The following E2F3 variants were observed in gnomAD, a reference collection of about 807,000 sequenced individuals.
E2F3 encodes E2F transcription factor 3, also known as transcription factor E2F3.
E2F3 carries 11 observed loss-of-function variants against 44.4 expected under a neutral mutation model. The ratio of observed to expected loss-of-function variants is 0.25; its 90% CI spans 0.16 to 0.41. The LOEUF is 0.41. Among genes scored for constraint, E2F3 ranks in the 10% least tolerant of loss-of-function variants. The pLI is 1.00. For synonymous variants in E2F3, 249 were observed against 253.0 expected (o/e 0.98, Z 0.15); for missense variants, 487 against 583.6 (o/e 0.83, Z 1.70).
At chr6:20,434,352 A>C (rs1373525444) in intron 1 of E2F3, among the ~76,000 whole-genome samples, 1 of 152,230 alleles carries the variant, frequency 6.6e-6, no homozygotes, top group Non-Finnish European at 1.5e-5. Context: ...TGGTTTCTTA[A>C]CAGTTTGCTA....
intron 1 of E2F3, chr6:20,445,252 T>G (rs987207511): frequency 2.7e-6 from 2 of 745,412 alleles, no homozygotes; most frequent in Non-Finnish European, 3.3e-6. Flanking sequence ...TCTCCCTTTT[T>G]TTTTTTTGAG....
chr6:20,432,558 A>C (rs569568069), intron 1 of E2F3, among the ~76,000 whole-genome samples: 2 of 152,352 alleles, frequency 1.3e-5, no homozygotes, highest in South Asian at 4.1e-4. Context: ...AGTTTCTTGT[A>C]ACAGAAGGTG....
chr6:20,486,681 C>A lies in E2F3; in HGVS notation c.885-8C>A, dbSNP rs779107512. On this transcript the variant is annotated splice_polypyrimidine_tract_variant and splice_region_variant and intron_variant, in intron 4 of 6. Transcript: ENST00000346618. ...TAATTAGATGGAAGATTCCTTGACA[C>A]TCTTTACGTTAGCTTATGTTACATA... The A allele has an allele frequency of 2.8e-6, 4 of 1,447,468 alleles. No homozygotes were observed. The Admixed American group carries it at 7.2e-5, about 26-fold the overall frequency. 89.7% of individuals were successfully genotyped at this position (1,447,468 alleles called of 1,614,324 possible). A position where few individuals can be genotyped will look rare whatever the true frequency, so the allele number is the denominator to read the frequency against.
chr6:20,403,788 C>A (rs1227374319), intron 1 of E2F3: 2 of 1,495,058 alleles, frequency 1.3e-6, no homozygotes, highest in Non-Finnish European at 1.8e-6. Context: ...CCCCCCACCT[C>A]CCCCCGGAGC....
intron 1 of E2F3, among the ~76,000 whole-genome samples, chr6:20,455,808 T>C (rs1275611651): frequency 6.6e-6 from 1 of 152,050 alleles, no homozygotes; most frequent in Non-Finnish European, 1.5e-5. Flanking sequence ...AATTCTCTCA[T>C]CCCTTTTACA....
At chr6:20,460,621 T>C (rs1438721410) in intron 1 of E2F3, among the ~76,000 whole-genome samples, 1 of 152,218 alleles carries the variant, frequency 6.6e-6, no homozygotes, top group East Asian at 1.9e-4. Flanking sequence ...AACATCCTTA[T>C]ACATGCCTTC....
At chr6:20,436,785 G>T (rs1228298200) in intron 1 of E2F3, among the ~76,000 whole-genome samples, 1 of 152,132 alleles carries the variant, frequency 6.6e-6, no homozygotes, top group Non-Finnish European at 1.5e-5. Flanking sequence ...AAAGCATAAT[G>T]GTTAATTCCA....
chr6:20,481,060 C>A, intron 2 of E2F3, 146 bp from the exon 3 acceptor site: 1 of 722,184 alleles, frequency 1.4e-6, no homozygotes, highest in Non-Finnish European at 2.2e-6. Context: ...TATGACTTGC[C>A]AACACCAACA....
At chr6:20,480,013 C>T (rs923246325) in intron 2 of E2F3, 56 bp downstream of exon 2, 1 of 1,547,682 alleles carries the variant, frequency 6.5e-7, no homozygotes, top group Non-Finnish European at 8.7e-7. Context: ...TTCCAAGTTT[C>T]AAAGCTTATG....
At chr6:20,424,848 A>C (rs1760159802) in intron 1 of E2F3, among the ~76,000 whole-genome samples, 1 of 152,198 alleles carries the variant, frequency 6.6e-6, no homozygotes, top group African/African-American at 2.4e-5. Context: ...GTGATGAAGC[A>C]GTTTGTCCAA....
intron 2 of E2F3, among the ~76,000 whole-genome samples, chr6:20,480,202 C>T (rs563676175): frequency 7.9e-5 from 12 of 152,274 alleles, no homozygotes; most frequent in Admixed American, 2.6e-4. Context: ...TTTTTCAACT[C>T]GGAATACGAA....
At chr6:20,462,561 G>T (rs755681215) in intron 1 of E2F3, among the ~76,000 whole-genome samples, 7 of 151,332 alleles carry the variant, frequency 4.6e-5, no homozygotes, top group Non-Finnish European at 7.4e-5. Flanking sequence ...AGGTTCAAGC[G>T]ATTCTCCCAC....
intron 1 of E2F3, among the ~76,000 whole-genome samples, chr6:20,449,970 A>G (rs936782377): frequency 1.3e-5 from 2 of 151,604 alleles, no homozygotes; most frequent in African/African-American, 4.9e-5. Flanking sequence ...TTATGGCTGC[A>G]TAGTATTCCG....
At chr6:20,467,835 C>T (rs1761763013) in intron 1 of E2F3, among the ~76,000 whole-genome samples, 1 of 150,868 alleles carries the variant, frequency 6.6e-6, no homozygotes, top group Non-Finnish European at 1.5e-5. Context: ...CTCTAAATTC[C>T]ATTGGTAACT....
chr6:20,456,313 TA>T (rs76985100), intron 1 of E2F3, among the ~76,000 whole-genome samples: 760 of 136,722 alleles, frequency 5.6e-3, no homozygotes, highest in Non-Finnish European at 5.7e-3. Flanking sequence ...GTCCCCCAGT[TA>T]AAAAAAAAAA....
intron 1 of E2F3, among the ~76,000 whole-genome samples, chr6:20,475,539 A>G (rs1762016675): frequency 6.6e-6 from 1 of 152,096 alleles, no homozygotes. Flanking sequence ...TTTTTGAGAC[A>G]AGAGTCTTTC....
At chr6:20,404,130 A>G (rs1390007580) in intron 1 of E2F3, among the ~76,000 whole-genome samples, 1 of 128,642 alleles carries the variant, frequency 7.8e-6, no homozygotes, top group Non-Finnish European at 1.5e-5. Context: ...CTTCTCGCCA[A>G]TGGCCGAGTT....
In E2F3 at chr6:20,402,983, G is replaced by T. The variant is rs1759359530; in HGVS notation, c.393+358G>T. ...TTTCTCGGGCGTAGGAAGGGGTCAC[G>T]CCCCGGATGGAGAAGGGGGTGGGGG... On this transcript the variant is annotated intron_variant, in intron 1 of 6. Transcript: ENST00000346618. This position sits in a 1 kb window ranked among gnomAD's most constrained non-coding sequence, Gnocchi z 5.6. Among the ~76,000 whole-genome samples the T allele has an allele frequency of 6.6e-6, 1 of 152,052 alleles. No homozygotes were observed. Among genetic ancestry groups the T allele is most frequent in the Admixed American group, 6.5e-5 (1 of 15,280 alleles).
Position 20,490,178 on chromosome 6 carries a change from A to G in E2F3, c.1146A>G (p.Ser382=). ...IPKPASKDLA[S]TNSGHSDCSV... is the part of the protein sequence containing the mutation. ...ATGTTTTCTTTTCAGACTTGGCTTC[A>G]ACCAACTCAGGACATAGCGATTGCT... is the stretch of plus-strand genomic sequence containing the variant. The change falls in exon 7 of 7, where the codon TCA becomes TCG. Residue 382 remains serine, a synonymous_variant. Coordinates refer to ENST00000346618, the MANE Select transcript of E2F3 (RefSeq NM_001949.5). The surrounding 1 kb of genome is among the most constrained non-coding windows in gnomAD (Gnocchi z 4.3). 1 of 1,569,628 alleles carries G rather than the reference A, an allele frequency of 6.4e-7. No individual in the cohort carries two copies. The highest frequency in any genetic ancestry group is 8.6e-7 in the Non-Finnish European group (1 of 1,160,464).
Sources: allele counts gnomAD v4.1 joint callset (sites outside exome capture counted in the v4.1 genomes callset), GRCh38; gene constraint gnomAD v4.1.1; non-coding constraint Gnocchi (gnomAD v3.1); transcripts MANE v1.5; gene names NCBI Gene and HGNC (gene_info 2026-07-23, HGNC 2026-07-21).